Variants in NR4A1 observed in about 807,000 individuals in gnomAD.
NR4A1 encodes the protein nuclear receptor subfamily 4 group A member 1, also known as nuclear receptor subfamily 4immunitygroup A member 1.
NR4A1 carries 24 observed loss-of-function variants against 47.5 expected under a neutral mutation model. That is an observed-to-expected ratio of 0.50 (90% CI 0.37 to 0.71). The LOEUF is 0.71. Among genes scored for constraint, NR4A1 ranks in the 30% least tolerant of loss-of-function variants. NR4A1 has a pLI of 0.00. For synonymous variants in NR4A1, 353 were observed against 345.7 expected, an observed-to-expected ratio of 1.02 and a Z score of -0.24; for missense variants, 669 against 788.6, an observed-to-expected ratio of 0.85 and a Z score of 1.82.
intron 2 of NR4A1, chr12:52,043,787 C>T (rs968871450): frequency 1.9e-5 from 24 of 1,287,596 alleles, no homozygotes; most frequent in Admixed American, 4.6e-5. Context: ...CTGGGCAGCA[C>T]GTCTCTCCCC....
intron 1 of NR4A1, among the ~76,000 whole-genome samples, chr12:52,036,589 C>T (rs1693479963): frequency 6.6e-6 from 1 of 152,188 alleles, no homozygotes; most frequent in Non-Finnish European, 1.5e-5. Context: ...GAATCCATCA[C>T]CTGGGCTTTG....
Position 52,037,218 on chromosome 12 carries a change from G to C in NR4A1, c.-83-4592G>C, listed in dbSNP as rs528438781. 4.7e-4 allele frequency: 129 copies of C among 273,960 alleles called. 2 individuals are homozygous for C. Among genetic ancestry groups the C allele is most frequent in the African/African-American group, 2.8e-3 (119 of 43,128 alleles). 17.0% of individuals were successfully genotyped at this position (273,960 alleles called of 1,614,324 possible). A position where few individuals can be genotyped will look rare whatever the true frequency, so the allele number is the denominator to read the frequency against. On this transcript the variant is annotated intron_variant, in intron 1 of 7. Coordinates refer to the NR4A1 transcript ENST00000360284. ...GGGCGCCGCGCGGCCGGAACTGCGG[G>C]CGGGGGGCTTCCCGGGGGCGGGGGG... is the stretch of plus-strand genomic sequence containing the variant.
chr12:52,041,759 A>T, intron 1 of NR4A1: 6 of 1,259,170 alleles, frequency 4.8e-6, no homozygotes, highest in Non-Finnish European at 5.0e-6. Context: ...TCTCCAGGGA[A>T]TGTGCCTGCT....
chr12:52,043,324 C>G (rs576241768), intron 2 of NR4A1: 1 of 164,602 alleles, frequency 6.1e-6, no homozygotes, highest in South Asian at 1.5e-4. Context: ...CAGTCCAGAC[C>G]CAGCTTCCTG....
chr12:52,029,098 G>A (rs1592280161), intron 1 of NR4A1, among the ~76,000 whole-genome samples: 1 of 152,336 alleles, frequency 6.6e-6, no homozygotes, highest in East Asian at 1.9e-4. Flanking sequence ...GCCCCCAGCT[G>A]GAGAAGTGTG....
intron 1 of NR4A1, among the ~76,000 whole-genome samples, chr12:52,030,286 T>A (rs876733): frequency 0.74 from 112,371 of 152,072 alleles, 41,991 homozygotes; most frequent in Non-Finnish European, 0.77. Flanking sequence ...CACCTCTGGG[T>A]AGCTCAACTT....
chr12:52,032,597 G>A (rs1028276033), intron 1 of NR4A1, among the ~76,000 whole-genome samples: 1 of 152,196 alleles, frequency 6.6e-6, no homozygotes, highest in Non-Finnish European at 1.5e-5. Context: ...CTGTCAGCCC[G>A]GGGACAGGAG....
rs745832946 is a variant in NR4A1, at chr12:52,057,258, A to C, written c.1360A>C (p.Arg454=). Residue 454 remains arginine, a splice_region_variant and synonymous_variant, in exon 5 of 7, where the codon AGG becomes CGG. Transcript: ENST00000394825. ...GCTCTTCATCCTCCGCCTGGCGTAC[A>C]GGTGAGAGCCACTGACTGTCTGCCC... ...LELFILRLAY[R]SKPGEGKLIF... 26 of 1,613,604 alleles carry C rather than the reference A, an allele frequency of 1.6e-5. No individual in the cohort carries two copies. In the Admixed American group the frequency reaches 4.3e-4, roughly 27 times the overall value.
At chr12:52,038,181 C>T (rs2120951302) in intron 1 of NR4A1, 1 of 642,896 alleles carries the variant, frequency 1.6e-6, no homozygotes, top group Non-Finnish European at 1.9e-6. Flanking sequence ...TCTCCTGCCT[C>T]AGCCTCCAGA....
At position 52,059,168 on chromosome 12, in the gene NR4A1, C is replaced by T. The variant is rs117329085; in HGVS notation, c.*224C>T. 15 of 585,714 alleles carry T rather than the reference C, an allele frequency of 2.6e-5. No homozygotes were observed. Among genetic ancestry groups the T allele is most frequent in the Admixed American group, 1.7e-4 (5 of 28,862 alleles). The allele number at this position is 585,714 out of a possible 1,614,324, so 36.3% of individuals were successfully genotyped here. On this transcript the variant is annotated 3_prime_UTR_variant, in exon 7 of 7. Coordinates refer to ENST00000394825, the MANE Select transcript of NR4A1 (RefSeq NM_173157.3). ...TGTCTTATCCCCCCCAGCCTGGCCC[C>T]GGCCTTTATGTTTTTTGTAAGATAA...
At chr12:52,034,364 G>A (rs1938193491) in intron 1 of NR4A1, among the ~76,000 whole-genome samples, 1 of 152,202 alleles carries the variant, frequency 6.6e-6, no homozygotes, top group South Asian at 2.1e-4. Flanking sequence ...ATCAGACTAG[G>A]AGCCAGCTTT....
chr12:52,033,343 C>T (rs750463176), intron 1 of NR4A1, among the ~76,000 whole-genome samples: 10 of 152,242 alleles, frequency 6.6e-5, no homozygotes, highest in African/African-American at 1.4e-4. Context: ...ACCAAATCCT[C>T]GCTCCTCTGG....
At chr12:52,033,791 G>C (rs747616209) in intron 1 of NR4A1, among the ~76,000 whole-genome samples, 6 of 152,214 alleles carry the variant, frequency 3.9e-5, no homozygotes, top group Non-Finnish European at 8.8e-5. Context: ...ACCCCGGCCA[G>C]GTAGTTCTTG....
chr12:52,054,544 A>G lies in NR4A1; in HGVS notation c.216A>G (p.Pro72=), dbSNP rs2120473425. The G allele has an allele frequency of 1.2e-6, 2 of 1,614,038 alleles. No individual in the cohort carries two copies. The highest frequency in any genetic ancestry group is 1.3e-5 in the African/African-American group (1 of 75,014). Reference sequence around the variant, plus strand: ...TTGACACCTTCCTCTACCAGCTGCCAGGAACAGTCCAGCCATGCTCCTCAG... The same window carrying G: ...TTGACACCTTCCTCTACCAGCTGCCGGGAACAGTCCAGCCATGCTCCTCAG... ...GEFDTFLYQL[P]GTVQPCSSAS... Residue 72 remains proline, a synonymous_variant, in exon 2 of 7, where the codon CCA becomes CCG. Transcript: ENST00000394825.
At chr12:52,034,735 G>A (rs776732518) in intron 1 of NR4A1, among the ~76,000 whole-genome samples, 5 of 152,192 alleles carry the variant, frequency 3.3e-5, no homozygotes, top group Admixed American at 6.5e-5. Flanking sequence ...ACTAAGAAGC[G>A]ACATTGCTCC....
At chr12:52,026,757 G>A (rs934391940) in intron 1 of NR4A1, among the ~76,000 whole-genome samples, 4 of 152,116 alleles carry the variant, frequency 2.6e-5, no homozygotes, top group Non-Finnish European at 5.9e-5. Flanking sequence ...CCCGCCTAAA[G>A]CCACACTGGG....
intron 1 of NR4A1, among the ~76,000 whole-genome samples, chr12:52,032,958 CT>C (rs1422722525): frequency 6.6e-6 from 1 of 152,224 alleles, no homozygotes; most frequent in African/African-American, 2.4e-5. Flanking sequence ...CCAATGACGT[CT>C]ATTCGCCTGC....
At chr12:52,034,608 A>G (rs1026246126) in intron 1 of NR4A1, among the ~76,000 whole-genome samples, 1 of 152,186 alleles carries the variant, frequency 6.6e-6, no homozygotes, top group Non-Finnish European at 1.5e-5. Flanking sequence ...GAGTCAGAAG[A>G]CCAGGGCTAT....
Position 52,054,633 on chromosome 12 carries a change from A to C in NR4A1, c.305A>C (p.Lys102Thr), listed in dbSNP as rs1565651689. Reference sequence around the variant, plus strand: ...ACCTCCCCTGCCTCTGCCTCCTTCAAGTTCGAGGACTTCCAGGTGTACGGC... The same window carrying C: ...ACCTCCCCTGCCTCTGCCTCCTTCACGTTCGAGGACTTCCAGGTGTACGGC... ...SATSPASASFKFEDFQVYGCY... is the reference protein window; with the variant it reads ...SATSPASASFTFEDFQVYGCY... The change falls in exon 2 of 7, where the codon AAG becomes ACG. Residue 102 changes from lysine to threonine, a missense_variant. Lys to Thr is a moderately conservative substitution (Grantham distance 78, BLOSUM62 -1). Transcript: ENST00000394825. 6.2e-7 allele frequency: 1 copy of C among 1,614,026 alleles called. No homozygotes were observed. The highest frequency in any genetic ancestry group is 8.5e-7 in the Non-Finnish European group (1 of 1,179,976).
Sources: gnomAD v4.1 joint callset for allele counts (sites outside exome capture counted in the v4.1 genomes callset) on GRCh38, gnomAD v4.1.1 for gene constraint, MANE v1.5 for transcripts, NCBI Gene and HGNC (gene_info 2026-07-23, HGNC 2026-07-21) for gene names.